TTLL7: variants seen among roughly 807,000 people sequenced by gnomAD.
TTLL7 encodes tubulin polyglutamylase TTLL7.
TTLL7 carries 53 observed loss-of-function variants against 120.2 expected under a neutral mutation model. The observed-to-expected ratio is 0.44, with a 90% CI of 0.35 to 0.55. TTLL7 has a LOEUF of 0.55. Ranked by LOEUF, TTLL7 falls within the 20% of genes least tolerant of loss-of-function variation. The pLI is 0.00. For missense variants in TTLL7, 803 were observed against 1,054.7 expected (o/e 0.76, Z 3.31); for synonymous variants, 353 against 351.7 (o/e 1.00, Z -0.04).
At chr1:83,952,501 C>T (rs1649151888) in intron 1 of TTLL7, 114 bp from the exon 2 acceptor site, 1 of 315,280 alleles carries the variant, frequency 3.2e-6, no homozygotes, top group South Asian at 9.5e-5. Flanking sequence ...GTTCAATCAA[C>T]AAATAATTGT....
intron 10 of TTLL7, among the ~76,000 whole-genome samples, chr1:83,922,481 C>T (rs1368060609): frequency 6.6e-6 from 1 of 152,126 alleles, no homozygotes; most frequent in Admixed American, 6.6e-5. Flanking sequence ...AAGTATGTAC[C>T]ATCACAACTT....
chr1:83,932,871 T>A (rs1444620222), intron 9 of TTLL7, among the ~76,000 whole-genome samples: 1 of 152,146 alleles, frequency 6.6e-6, no homozygotes, highest in African/African-American at 2.4e-5. Context: ...TAAAGGGAAC[T>A]GCTGGATGGG....
chr1:83,910,597 GAGATGGAAC>G, intron 15 of TTLL7, among the ~76,000 whole-genome samples: 1 of 151,996 alleles, frequency 6.6e-6, no homozygotes, highest in African/African-American at 2.4e-5. Flanking sequence ...GAAACGGAAG[GAGATGGAAC>G]AGCTGGTTGG....
intron 9 of TTLL7, among the ~76,000 whole-genome samples, chr1:83,931,137 G>C (rs550663841): frequency 6.6e-6 from 1 of 151,752 alleles, no homozygotes; most frequent in African/African-American, 2.4e-5. Flanking sequence ...TGATTTATTT[G>C]GTTCTCATTT....
In TTLL7 at chr1:83,866,093, T is replaced by A. The variant is rs1652897768; in HGVS notation, c.*3869A>T. 6.6e-6 allele frequency: 1 copy of A among 151,842 alleles called. No individual in the cohort carries two copies. Among genetic ancestry groups the A allele is most frequent in the Non-Finnish European group, 1.5e-5 (1 of 67,766 alleles). 9.4% of individuals were successfully genotyped at this position (151,842 alleles called of 1,614,324 possible). A position where few individuals can be genotyped will look rare whatever the true frequency, so the allele number is the denominator to read the frequency against. ...AGTTATACATTTTATTTAACCCCTA[T>A]GACCATGTAAACTAAGACTCAAAGT... On this transcript the variant is annotated 3_prime_UTR_variant, in exon 21 of 21. Transcript: ENST00000260505.
rs1648879091 is a variant in TTLL7 at position 83,949,877 on chromosome 1, C to T, written c.267G>A (p.Leu89=). 2 of 1,613,394 alleles carry T rather than the reference C, an allele frequency of 1.2e-6. No individual in the cohort carries two copies. The change falls in exon 4 of 21, where the codon CTG becomes CTA. Residue 89 remains leucine, a synonymous_variant. Transcript: ENST00000260505. Reference sequence around the variant, plus strand: ...ATTAATTTCCTACCTGATAATTTTGCAGCTCTGAAATTTTCTCCTGCTGAA... The same window carrying T: ...ATTAATTTCCTACCTGATAATTTTGTAGCTCTGAAATTTTCTCCTGCTGAA... The part of the protein sequence containing the change: ...SAVQQEKISE[L]QNYQRINHFP...
chr1:83,929,348 C>T (rs1207612539), intron 9 of TTLL7, 118 bp from the exon 10 acceptor site: 8 of 653,444 alleles, frequency 1.2e-5, no homozygotes, highest in Non-Finnish European at 1.8e-5. Flanking sequence ...CAAAGCTTTA[C>T]ATGGCAGATG....
intron 7 of TTLL7, among the ~76,000 whole-genome samples, chr1:83,941,670 G>C (rs1002801374): frequency 6.6e-6 from 1 of 152,056 alleles, no homozygotes; most frequent in Non-Finnish European, 1.5e-5. Context: ...ACTATAGTTA[G>C]GTAATTCCAA....
intron 1 of TTLL7, among the ~76,000 whole-genome samples, chr1:83,955,780 C>T (rs1161357165): frequency 6.6e-6 from 1 of 152,070 alleles, no homozygotes; most frequent in African/African-American, 2.4e-5. Context: ...TTTGGGAGGC[C>T]TAGGCAGGAG....
intron 1 of TTLL7, among the ~76,000 whole-genome samples, chr1:83,990,723 T>C (rs1189788436): frequency 6.6e-6 from 1 of 152,038 alleles, no homozygotes; most frequent in Admixed American, 6.6e-5. Flanking sequence ...TGAGGAGAAA[T>C]TGTAACACCT....
chr1:83,968,135 T>C (rs1650651499), intron 1 of TTLL7, among the ~76,000 whole-genome samples: 1 of 152,064 alleles, frequency 6.6e-6, no homozygotes, highest in South Asian at 2.1e-4. Context: ...AAGTGTGAAA[T>C]GCACCATACC....
chr1:83,909,967 T>A (rs1657536278), intron 15 of TTLL7, among the ~76,000 whole-genome samples: 1 of 152,040 alleles, frequency 6.6e-6, no homozygotes, highest in South Asian at 2.1e-4. Flanking sequence ...AGGAAGCAAA[T>A]GATGAAATAG....
At chr1:83,961,740 C>T (rs1393811932) in intron 1 of TTLL7, among the ~76,000 whole-genome samples, 1 of 152,118 alleles carries the variant, frequency 6.6e-6, no homozygotes. Flanking sequence ...ATTTCTCCTA[C>T]AACATAATAT....
rs778889895 is a variant in TTLL7, at chr1:83,919,679, A to G, written c.1500+20T>C. ...TTTAGCTTTATTCTTTTTTCTCTAT[A>G]TAAACATTCATTCTCTTACCTTCAT... On this transcript the variant is annotated intron_variant, in intron 13 of 20. Coordinates refer to ENST00000260505, the MANE Select transcript of TTLL7 (RefSeq NM_024686.6). 3 of 1,599,320 alleles carry G rather than the reference A, an allele frequency of 1.9e-6. No homozygotes were observed. Among genetic ancestry groups the G allele is most frequent in the Non-Finnish European group, 1.7e-6 (2 of 1,173,820 alleles).
chr1:83,927,832 G>A (rs1659261576), intron 10 of TTLL7, among the ~76,000 whole-genome samples: 1 of 152,116 alleles, frequency 6.6e-6, no homozygotes, highest in Non-Finnish European at 1.5e-5. Context: ...CTTAGTTCCT[G>A]CTTAAGATAC....
At position 83,869,198 on chromosome 1, in the gene TTLL7, A is replaced by G. The variant is rs746394353; in HGVS notation, c.*764T>C. ...ACCATGTTGGCCAGGCTAGTCTCAA[A>G]CTCCTGACCAGCGGTGATCCACTCA... On this transcript the variant is annotated 3_prime_UTR_variant, in exon 21 of 21. Coordinates refer to ENST00000260505, the MANE Select transcript of TTLL7 (RefSeq NM_024686.6). 9.8e-4 allele frequency: 149 copies of G among 151,636 alleles called. No homozygotes were observed. Among genetic ancestry groups the G allele is most frequent in the Non-Finnish European group, 1.6e-3 (112 of 67,946 alleles). The allele number at this position is 151,636 out of a possible 1,614,324, so 9.4% of individuals were successfully genotyped here.
intron 10 of TTLL7, among the ~76,000 whole-genome samples, chr1:83,926,321 C>T (rs1659121112): frequency 1.3e-5 from 2 of 152,084 alleles, no homozygotes; most frequent in Non-Finnish European, 2.9e-5. Flanking sequence ...TATTTACTTG[C>T]TCACTCACTC....
chr1:83,968,725 A>G (rs1650708909), intron 1 of TTLL7, among the ~76,000 whole-genome samples: 1 of 152,026 alleles, frequency 6.6e-6, no homozygotes, highest in Non-Finnish European at 1.5e-5. Context: ...TCAAGGAAAA[A>G]TGAGAAGCCG....
rs750813744 is a variant in TTLL7 at position 83,952,237 on chromosome 1, G to A, written c.-26C>T. ...TATTGCCTGTGCTGATTAGCAAGCA[G>A]TGTGTGCTGCTGTACCAAGCTCTCA... On this transcript the variant is annotated 5_prime_UTR_variant, in exon 2 of 21. Transcript: ENST00000260505. The A allele has an allele frequency of 1.2e-6, 2 of 1,613,580 alleles. No homozygotes were observed. The highest frequency in any genetic ancestry group is 1.3e-5 in the African/African-American group (1 of 74,904).
Sources: allele counts gnomAD v4.1 joint callset (sites outside exome capture counted in the v4.1 genomes callset), GRCh38; gene constraint gnomAD v4.1.1; transcripts MANE v1.5; gene names NCBI Gene and HGNC (gene_info 2026-07-23, HGNC 2026-07-21).